The following C10orf90 variants were observed in gnomAD, a reference collection of about 807,000 sequenced individuals.
The protein encoded by C10orf90 is (E2-independent) E3 ubiquitin-conjugating enzyme FATS.
In C10orf90, 56 loss-of-function variants were observed where a neutral mutation model predicts 62.5. That is an observed-to-expected ratio of 0.90 (90% CI 0.72 to 1.12). C10orf90 has a LOEUF of 1.12. C10orf90 is among the 50% of genes most tolerant of loss of function. The pLI is 0.00. For missense variants in C10orf90, 970 were observed against 880.4 expected, an observed-to-expected ratio of 1.10 and a Z score of -1.29; for synonymous variants, 386 against 340.4, an observed-to-expected ratio of 1.13 and a Z score of -1.47.
At chr10:126,458,282 T>C (rs921022272) in intron 7 of C10orf90, among the ~76,000 whole-genome samples, 8 of 152,282 alleles carry the variant, frequency 5.3e-5, no homozygotes, top group African/African-American at 1.7e-4. Flanking sequence ...AACATTTTCC[T>C]AGGAAGAAAG....
At chr10:126,517,672 GAGGCCAAGGC>G (rs1863512628) in intron 2 of C10orf90, among the ~76,000 whole-genome samples, 1 of 152,148 alleles carries the variant, frequency 6.6e-6, no homozygotes, top group Non-Finnish European at 1.5e-5. Context: ...AGCACTTTGG[GAGGCCAAGGC>G]AGGTGGATCA....
rs541301161 is a variant in C10orf90, at chr10:126,642,343, T to C, written c.313+4222A>G. ...GTCGGGAGATCGAGACCATCCTGGC[T>C]AACATGGTGAAACCCCGTCTCTACT... On this transcript the variant is annotated intron_variant, in intron 2 of 9. Transcript: ENST00000488181. Among the ~76,000 whole-genome samples the C allele has an allele frequency of 8.4e-4, 128 of 152,108 alleles. 1 individual carries two copies. Among genetic ancestry groups the C allele is most frequent in the African/African-American group, 1.2e-3 (50 of 41,476 alleles).
intron 4 of C10orf90, among the ~76,000 whole-genome samples, chr10:126,490,083 A>AATAATAT (rs1258618755): frequency 2.7e-5 from 3 of 112,622 alleles, no homozygotes; most frequent in Admixed American, 1.0e-4. Context: ...ATAATATAAT[A>AATAATAT]ATAATATATA....
At chr10:126,539,065 C>T (rs1032049663) in intron 2 of C10orf90, among the ~76,000 whole-genome samples, 9 of 152,190 alleles carry the variant, frequency 5.9e-5, no homozygotes, top group African/African-American at 2.2e-4. Context: ...GCTGCAGGGC[C>T]ATGGGGAGAA....
intron 2 of C10orf90, among the ~76,000 whole-genome samples, chr10:126,572,070 A>G (rs1160925535): frequency 6.6e-6 from 1 of 152,172 alleles, no homozygotes; most frequent in East Asian, 1.9e-4. Context: ...GGACCTGGGT[A>G]AAATAAGGCT....
intron 1 of C10orf90, among the ~76,000 whole-genome samples, chr10:126,665,597 G>A (rs369385428): frequency 2.0e-5 from 3 of 152,128 alleles, no homozygotes; most frequent in Non-Finnish European, 4.4e-5. Flanking sequence ...CCAGACAACC[G>A]CTAGGAAACA....
intron 2 of C10orf90, among the ~76,000 whole-genome samples, chr10:126,629,181 C>T (rs895924891): frequency 3.3e-5 from 5 of 152,180 alleles, no homozygotes; most frequent in South Asian, 2.1e-4. Flanking sequence ...CTGATTTCAA[C>T]GGCATTCATT....
chr10:126,458,932 G>T (rs140181291), intron 7 of C10orf90, 108 bp downstream of exon 7: 11 of 1,193,132 alleles, frequency 9.2e-6, no homozygotes, highest in Non-Finnish European at 1.3e-5. Context: ...CAGGTTCTGC[G>T]TATGTCAGTG....
chr10:126,503,036 G>A (rs58399100), intron 4 of C10orf90, among the ~76,000 whole-genome samples: 20,610 of 152,094 alleles, frequency 0.14, 2,650 homozygotes, highest in African/African-American at 0.34. Flanking sequence ...AAGTTGTACC[G>A]TAAAATTATG....
At chr10:126,491,036 A>T (rs551725010) in intron 4 of C10orf90, among the ~76,000 whole-genome samples, 1 of 152,230 alleles carries the variant, frequency 6.6e-6, no homozygotes, top group South Asian at 2.1e-4. Context: ...AAAGCTGGAA[A>T]GGAAATTTTT....
At chr10:126,525,348 A>G (rs1863905657) in intron 2 of C10orf90, among the ~76,000 whole-genome samples, 1 of 152,198 alleles carries the variant, frequency 6.6e-6, no homozygotes, top group African/African-American at 2.4e-5. Context: ...CATTATGTAA[A>G]CAAGACACAA....
chr10:126,467,084 A>G (rs1473351542), intron 4 of C10orf90, among the ~76,000 whole-genome samples: 2 of 152,174 alleles, frequency 1.3e-5, no homozygotes, highest in African/African-American at 4.8e-5. Flanking sequence ...AAATTAATGT[A>G]TTTATTTATA....
At chr10:126,528,924 T>A (rs12256602) in intron 2 of C10orf90, among the ~76,000 whole-genome samples, 121,281 of 152,170 alleles carry the variant, frequency 0.8, 49,024 homozygotes, top group Middle Eastern at 0.92. Flanking sequence ...AAGGCAGACG[T>A]AGCCAGGGAT....
intron 7 of C10orf90, among the ~76,000 whole-genome samples, chr10:126,457,236 A>G (rs1239765174): frequency 6.6e-6 from 1 of 152,160 alleles, no homozygotes; most frequent in African/African-American, 2.4e-5. Flanking sequence ...AGATCCACCC[A>G]TCTTGGCCTC....
chr10:126,462,592 T>G (rs1860058226), intron 5 of C10orf90, among the ~76,000 whole-genome samples: 1 of 152,146 alleles, frequency 6.6e-6, no homozygotes, highest in South Asian at 2.1e-4. Flanking sequence ...CCCACAAGCC[T>G]ATGACTCCGT....
At chr10:126,579,540 CA>C (rs1242085250) in intron 2 of C10orf90, among the ~76,000 whole-genome samples, 1 of 152,042 alleles carries the variant, frequency 6.6e-6, no homozygotes, top group Non-Finnish European at 1.5e-5. Context: ...CGCACCCAGC[CA>C]AATCTGTATT....
chr10:126,491,080 A>G (rs1861746565), intron 4 of C10orf90, among the ~76,000 whole-genome samples: 1 of 152,240 alleles, frequency 6.6e-6, no homozygotes, highest in African/African-American at 2.4e-5. Flanking sequence ...ACTAGCATTC[A>G]GAATATAAAA....
chr10:126,476,202 G>T (rs1013718686), intron 4 of C10orf90, among the ~76,000 whole-genome samples: 1 of 152,144 alleles, frequency 6.6e-6, no homozygotes, highest in African/African-American at 2.4e-5. Flanking sequence ...ACTTCTCAGC[G>T]CTCCTGGGGC....
chr10:126,556,869 G>A (rs1864784723), intron 2 of C10orf90, among the ~76,000 whole-genome samples: 1 of 152,058 alleles, frequency 6.6e-6, no homozygotes, highest in Non-Finnish European at 1.5e-5. Flanking sequence ...CTGTGGGGAA[G>A]GCAGAAACCT....
Sources: gnomAD v4.1 joint callset for allele counts (sites outside exome capture counted in the v4.1 genomes callset) on GRCh38, gnomAD v4.1.1 for gene constraint, MANE v1.5 for transcripts, NCBI Gene and HGNC (gene_info 2026-07-23, HGNC 2026-07-21) for gene names.